The following GRID2 variants were observed in gnomAD, a reference collection of about 807,000 sequenced individuals.
GRID2 encodes glutamate receptor ionotropic, delta-2.
A neutral mutation model predicts 114.8 loss-of-function variants in GRID2; 33 were observed. The ratio of observed to expected loss-of-function variants is 0.29; its 90% CI spans 0.22 to 0.38. The LOEUF (loss-of-function observed/expected upper bound fraction) is 0.38, where lower values mean the gene tolerates loss of function less well. GRID2 is among the 10% of genes least tolerant of loss of function. The pLI is 1.00. For synonymous variants in GRID2, 505 were observed against 449.9 expected, an observed-to-expected ratio of 1.12 and a Z score of -1.55; for missense variants, 1,184 against 1,257.7, an observed-to-expected ratio of 0.94 and a Z score of 0.89.
chr4:92,965,923 C>A (rs1753127907), intron 2 of GRID2, among the ~76,000 whole-genome samples: 1 of 151,772 alleles, frequency 6.6e-6, no homozygotes, highest in Non-Finnish European at 1.5e-5. Context: ...AGTCTTCTGA[C>A]CAAATTCTTG....
chr4:93,526,063 C>T (rs1300229868), intron 13 of GRID2, among the ~76,000 whole-genome samples: 1 of 151,998 alleles, frequency 6.6e-6, no homozygotes, highest in East Asian at 1.9e-4. Context: ...CTACTGATAC[C>T]ATTTGGCTCT....
chr4:92,338,937 G>A (rs937806164), intron 1 of GRID2, among the ~76,000 whole-genome samples: 3 of 152,046 alleles, frequency 2.0e-5, no homozygotes, highest in African/African-American at 7.2e-5. Context: ...AAGTTAATGA[G>A]TTAATGTTTA....
chr4:93,140,053 A>G (rs974400035), intron 4 of GRID2, among the ~76,000 whole-genome samples: 1 of 152,134 alleles, frequency 6.6e-6, no homozygotes, highest in Non-Finnish European at 1.5e-5. Context: ...AAAATATGAA[A>G]CAGAAGTTAC....
chr4:93,210,595 A>G (rs1376611767), intron 5 of GRID2, among the ~76,000 whole-genome samples: 1 of 151,992 alleles, frequency 6.6e-6, no homozygotes, highest in Non-Finnish European at 1.5e-5. Flanking sequence ...ATTTTCACTT[A>G]GAATTTTGTT....
rs551087605 is a variant in GRID2 at position 93,686,461 on chromosome 4, C to T, written c.2360+60026C>T. ...GCTACTATGTGCCAGATATTGCTTA[C>T]AGGCTTAAGATATAGAAGTAAACAG... is the stretch of plus-strand genomic sequence containing the variant. On this transcript the variant is annotated intron_variant, in intron 14 of 15. Coordinates refer to ENST00000282020, the MANE Select transcript of GRID2 (RefSeq NM_001510.4). 2.6e-5 allele frequency among the ~76,000 whole-genome samples: 4 copies of T among 151,664 alleles called. No individual in the cohort carries two copies. In the South Asian group the frequency reaches 8.3e-4, roughly 32 times the overall value.
chr4:92,482,843 A>T (rs1479436448), intron 1 of GRID2, among the ~76,000 whole-genome samples: 1 of 152,204 alleles, frequency 6.6e-6, no homozygotes, highest in Non-Finnish European at 1.5e-5. Context: ...ACAATATTAA[A>T]TGCTTATTTT....
intron 1 of GRID2, among the ~76,000 whole-genome samples, chr4:92,307,515 CCTT>C (rs1488505103): frequency 6.6e-6 from 1 of 151,986 alleles, no homozygotes; most frequent in Admixed American, 6.6e-5. Context: ...AAAATCATCT[CCTT>C]CTTTCTCTCT....
intron 14 of GRID2, among the ~76,000 whole-genome samples, chr4:93,676,282 T>C (rs1012969975): frequency 3.3e-5 from 5 of 152,242 alleles, no homozygotes; most frequent in Admixed American, 6.5e-5. Context: ...TTTAAAATTC[T>C]TAAATGTATG....
chr4:93,523,844 G>A (rs79384271), intron 13 of GRID2, among the ~76,000 whole-genome samples: 2,580 of 152,220 alleles, frequency 0.017, 59 homozygotes, highest in African/African-American at 0.057. Context: ...AAGCAGCTCT[G>A]CACCATGTTG....
chr4:92,449,476 G>A (rs7681461), intron 1 of GRID2, among the ~76,000 whole-genome samples: 54,441 of 150,900 alleles, frequency 0.36, 10,897 homozygotes, highest in African/African-American at 0.54. Flanking sequence ...CCATGTGTGG[G>A]AAATACATTT....
intron 14 of GRID2, among the ~76,000 whole-genome samples, chr4:93,646,729 GTGGTGTAAT>G (rs1722146622): frequency 1.3e-5 from 2 of 152,120 alleles, no homozygotes; most frequent in African/African-American, 4.8e-5. Flanking sequence ...TCAGTCTAGG[GTGGTGTAAT>G]TGAGATGTGA....
chr4:93,522,542 G>A (rs771635711), intron 13 of GRID2, among the ~76,000 whole-genome samples: 2 of 151,950 alleles, frequency 1.3e-5, no homozygotes, highest in Admixed American at 6.6e-5. Flanking sequence ...GATAATAGGA[G>A]CAAGAAAGGA....
At chr4:93,269,550 C>T (rs2217717) in intron 8 of GRID2, among the ~76,000 whole-genome samples, 105,233 of 152,052 alleles carry the variant, frequency 0.69, 36,908 homozygotes, top group Middle Eastern at 0.85. Context: ...AATCTCAACC[C>T]ACATTTGGAA....
At chr4:92,687,851 A>G (rs1733988940) in intron 2 of GRID2, among the ~76,000 whole-genome samples, 1 of 151,678 alleles carries the variant, frequency 6.6e-6, no homozygotes, top group Non-Finnish European at 1.5e-5. Flanking sequence ...CCTTTTTGCT[A>G]AAAAAAGGCT....
intron 2 of GRID2, among the ~76,000 whole-genome samples, chr4:92,967,341 T>G (rs1753218977): frequency 6.6e-6 from 1 of 151,904 alleles, no homozygotes. Flanking sequence ...AAAAACACAC[T>G]CCGATGCTTC....
chr4:92,841,341 C>T (rs1004222260), intron 2 of GRID2, among the ~76,000 whole-genome samples: 2 of 151,902 alleles, frequency 1.3e-5, no homozygotes, highest in Non-Finnish European at 2.9e-5. Flanking sequence ...CCAGAAATAA[C>T]AAGATAGTTT....
chr4:92,665,822 C>G (rs905776164), intron 2 of GRID2, among the ~76,000 whole-genome samples: 1 of 151,010 alleles, frequency 6.6e-6, no homozygotes, highest in African/African-American at 2.4e-5. Flanking sequence ...TTATAAATTA[C>G]TTTTCTATTT....
At chr4:92,353,611 A>C (rs545026346) in intron 1 of GRID2, among the ~76,000 whole-genome samples, 2 of 152,024 alleles carry the variant, frequency 1.3e-5, no homozygotes, top group South Asian at 2.1e-4. Flanking sequence ...CTTGTGTTTA[A>C]ACAGAAGTTT....
intron 2 of GRID2, among the ~76,000 whole-genome samples, chr4:92,950,860 T>C (rs1262933886): frequency 6.6e-6 from 1 of 152,184 alleles, no homozygotes; most frequent in East Asian, 1.9e-4. Context: ...TACCTAATTG[T>C]ATTTCAGTTC....
Sources: gnomAD v4.1 joint callset for allele counts (sites outside exome capture counted in the v4.1 genomes callset) on GRCh38, gnomAD v4.1.1 for gene constraint, MANE v1.5 for transcripts, NCBI Gene and HGNC (gene_info 2026-07-23, HGNC 2026-07-21) for gene names.